The following HSCB variants were observed in gnomAD, a reference collection of about 807,000 sequenced individuals.
HSCB encodes HscB mitochondrial iron-sulfur cluster cochaperone, also known as iron-sulfur cluster co-chaperone protein HscB.
In HSCB, 23 loss-of-function variants were observed where a neutral mutation model predicts 31.3. The ratio of observed to expected loss-of-function variants is 0.74; its 90% CI spans 0.53 to 1.04. HSCB has a LOEUF of 1.04. Ranked by LOEUF, HSCB falls within the 50% of genes least tolerant of loss-of-function variation. The pLI is 0.00. For missense variants in HSCB, 297 were observed against 288.1 expected (o/e 1.03, Z -0.22); for synonymous variants, 110 against 104.5 (o/e 1.05, Z -0.32).
rs1371509246 is a variant in HSCB, at chr22:28,742,145, C to T, written c.50C>T (p.Pro17Leu). 6.2e-7 allele frequency: 1 copy of T among 1,613,014 alleles called. No homozygotes were observed. Among genetic ancestry groups the T allele is most frequent in the Non-Finnish European group, 8.5e-7 (1 of 1,179,668 alleles). Reference protein sequence around the residue: ...GALLRVWGFWPTGVPRRRPLS... With the variant: ...GALLRVWGFWLTGVPRRRPLS... ...TTGCTCCGGGTGTGGGGGTTTTGGC[C>T]GACAGGGGTTCCCAGAAGGAGACCG... Residue 17 changes from proline to leucine, a missense_variant, in exon 1 of 6, where the codon CCG (proline) becomes CTG (leucine). Transcript: ENST00000216027.
chr22:28,752,900 G>A lies in HSCB; in HGVS notation c.616+1612G>A, dbSNP rs979882741. 2.0e-5 allele frequency among the ~76,000 whole-genome samples: 3 copies of A among 151,462 alleles called. No homozygotes were observed. The East Asian group carries it at 5.9e-4, about 30-fold the overall frequency. On this transcript the variant is annotated intron_variant, in intron 5 of 5. Coordinates refer to ENST00000216027, the MANE Select transcript of HSCB (RefSeq NM_172002.5). ...TCGAGACCAGCCTGACAAACATGGT[G>A]GAACCCCGTCTCTACTAAAAATACA... is the stretch of plus-strand genomic sequence containing the variant.
rs1301418511 is a variant in HSCB, at chr22:28,744,672, C to T, written c.391C>T (p.Leu131Phe). ...STLVNDAYKT[L>F]LAPLSRGLYL... is the part of the protein sequence containing the mutation. Reference sequence around the variant, plus strand: ...CCTGGTGAATGATGCCTATAAGACCCTCCTGGCCCCCCTGAGCAGAGGACT... The same window carrying T: ...CCTGGTGAATGATGCCTATAAGACCTTCCTGGCCCCCCTGAGCAGAGGACT... Residue 131 changes from leucine (L) to phenylalanine (F), a missense_variant, in exon 3 of 6, where the codon CTC becomes TTC. Coordinates refer to ENST00000216027, the MANE Select transcript of HSCB (RefSeq NM_172002.5). 1.2e-6 allele frequency: 2 copies of T among 1,614,000 alleles called. No individual in the cohort carries two copies. The highest frequency in any genetic ancestry group is 1.7e-5 in the Admixed American group (1 of 60,018).
At chr22:28,755,772 G>A (rs5762780) in intron 5 of HSCB, among the ~76,000 whole-genome samples, 18,724 of 152,076 alleles carry the variant, frequency 0.12, 1,298 homozygotes, top group South Asian at 0.29. Flanking sequence ...TTGGCACTAC[G>A]GATATTGTAA....
intron 4 of HSCB, 99 bp from the exon 5 acceptor site, chr22:28,751,142 T>C (rs546714075): frequency 1.9e-5 from 14 of 720,016 alleles, no homozygotes; most frequent in Middle Eastern, 2.4e-4. Context: ...CTTCCTCCTT[T>C]GTTGTGTTCA....
intron 5 of HSCB, among the ~76,000 whole-genome samples, chr22:28,752,282 A>T (rs2030305822): frequency 6.6e-6 from 1 of 151,130 alleles, no homozygotes; most frequent in African/African-American, 2.4e-5. Context: ...AAAAATACAA[A>T]ATTAGCCAGG....
intron 5 of HSCB, among the ~76,000 whole-genome samples, chr22:28,756,366 C>T (rs1358520861): frequency 6.6e-6 from 1 of 152,036 alleles, no homozygotes; most frequent in Non-Finnish European, 1.5e-5. Context: ...GAAGGCAGCT[C>T]TATGCCTCAG....
intron 1 of HSCB, chr22:28,742,577 A>C: frequency 5.7e-6 from 3 of 523,598 alleles, no homozygotes; most frequent in Non-Finnish European, 9.7e-6. Flanking sequence ...CGGGCGCTGA[A>C]GTTAGAGGAA....
intron 2 of HSCB, 27 bp downstream of exon 2, chr22:28,744,005 C>T: frequency 6.7e-7 from 1 of 1,500,500 alleles, no homozygotes; most frequent in Non-Finnish European, 9.3e-7. Flanking sequence ...CCCCAATAAT[C>T]CCCAAATATG....
intron 2 of HSCB, 62 bp downstream of exon 2, chr22:28,744,040 T>G: frequency 8.0e-7 from 1 of 1,243,488 alleles, no homozygotes; most frequent in Non-Finnish European, 1.2e-6. Flanking sequence ...GGCAGTAGCC[T>G]TGTGGTTATG....
chr22:28,742,892 A>G (rs552124703), intron 1 of HSCB, among the ~76,000 whole-genome samples: 1 of 152,142 alleles, frequency 6.6e-6, no homozygotes, highest in African/African-American at 2.4e-5. Context: ...TCCCCCTGAG[A>G]CTGAGGTTCT....
chr22:28,742,389 T>C, intron 1 of HSCB, 58 bp downstream of exon 1: 1 of 1,589,392 alleles, frequency 6.3e-7, no homozygotes. Context: ...AGGTCTGGCC[T>C]GCGAGAGGGG....
At chr22:28,750,195 G>A (rs1368523899) in intron 4 of HSCB, among the ~76,000 whole-genome samples, 1 of 133,776 alleles carries the variant, frequency 7.5e-6, no homozygotes, top group African/African-American at 2.9e-5. Context: ...GTTGCAGTGA[G>A]CCGAGATCGC....
At chr22:28,746,671 G>A (rs1356352685) in intron 4 of HSCB, among the ~76,000 whole-genome samples, 4 of 151,718 alleles carry the variant, frequency 2.6e-5, no homozygotes, top group East Asian at 2.0e-4. Context: ...AGGCCAAGGC[G>A]GGTGGGTCAC....
At position 28,757,061 on chromosome 22, in the gene HSCB, GTC is replaced by G. The variant is rs564284857; in HGVS notation, c.617-13_617-12del. On this transcript the variant is annotated splice_polypyrimidine_tract_variant and intron_variant, in intron 5 of 5. Coordinates refer to ENST00000216027, the MANE Select transcript of HSCB (RefSeq NM_172002.5). The stretch of plus-strand genomic sequence containing the variant: ...GCTTGAAATGAAGCCTGACTTCAGT[GTC>G]TCTGTCTATTTCAGATGACTTTGAA... 4.0e-4 allele frequency: 562 copies of G among 1,404,646 alleles called. 4 individuals are homozygous for G. The East Asian group carries it at 0.011, about 27-fold the overall frequency. 87.0% of individuals were successfully genotyped at this position (1,404,646 alleles called of 1,614,324 possible). A position where few individuals can be genotyped will look rare whatever the true frequency, so the allele number is the denominator to read the frequency against.
At chr22:28,747,142 AC>A (rs1462411733) in intron 4 of HSCB, among the ~76,000 whole-genome samples, 4 of 152,170 alleles carry the variant, frequency 2.6e-5, no homozygotes, top group Non-Finnish European at 4.4e-5. Flanking sequence ...CAGTCTTGAT[AC>A]AGAATTCCTT....
Position 28,745,920 on chromosome 22 carries a change from A to T in HSCB, c.480A>T (p.Gln160His). 1 of 1,613,644 alleles carries T rather than the reference A, an allele frequency of 6.2e-7. No homozygotes were observed. Among genetic ancestry groups the T allele is most frequent in the Non-Finnish European group, 8.5e-7 (1 of 1,179,586 alleles). ...GGACAGATTATGAAATGGACAGGCA[A>T]TTCCTCATAGAAATAATGGAAATCA... ...PERTDYEMDR[Q>H]FLIEIMEINE... Residue 160 changes from glutamine to histidine, a missense_variant, in exon 4 of 6, where the codon CAA becomes CAT. Physicochemically the swap from Gln to His is conservative, Grantham distance 24. Coordinates refer to ENST00000216027, the MANE Select transcript of HSCB (RefSeq NM_172002.5).
chr22:28,751,338 T>C (rs2030239796), intron 5 of HSCB, 50 bp downstream of exon 5: 1 of 1,115,078 alleles, frequency 9.0e-7, no homozygotes, highest in African/African-American at 1.5e-5. Flanking sequence ...TTTCAAGCAC[T>C]GAAGCATAGC....
chr22:28,753,016 T>G (rs942782746), intron 5 of HSCB, among the ~76,000 whole-genome samples: 1 of 150,624 alleles, frequency 6.6e-6, no homozygotes, highest in Non-Finnish European at 1.5e-5. Flanking sequence ...AAGTCGGAGG[T>G]TGCAGTGAGC....
intron 4 of HSCB, among the ~76,000 whole-genome samples, chr22:28,749,128 G>A (rs12484277): frequency 0.1 from 15,043 of 146,396 alleles, 1,023 homozygotes; most frequent in South Asian, 0.18. Context: ...GCAACAGAGC[G>A]AAAACACGTC....
Sources: allele counts gnomAD v4.1 joint callset (sites outside exome capture counted in the v4.1 genomes callset), GRCh38; gene constraint gnomAD v4.1.1; transcripts MANE v1.5; gene names NCBI Gene and HGNC (gene_info 2026-07-23, HGNC 2026-07-21).